Variants in ERBB4 observed in about 807,000 individuals in gnomAD.
ERBB4 encodes the protein receptor tyrosine-protein kinase erbB-4.
Under a neutral mutation model 158.0 loss-of-function variants are expected in ERBB4, and 42 were observed. The observed-to-expected ratio is 0.27, with a 90% CI of 0.21 to 0.34. ERBB4 has a LOEUF of 0.34. Among genes scored for constraint, ERBB4 ranks in the 10% least tolerant of loss-of-function variants. ERBB4 has a pLI of 1.00. For missense variants in ERBB4, 1,333 were observed against 1,624.1 expected, an observed-to-expected ratio of 0.82 and a Z score of 3.08; for synonymous variants, 583 against 558.7, an observed-to-expected ratio of 1.04 and a Z score of -0.61.
intron 20 of ERBB4, among the ~76,000 whole-genome samples, chr2:211,525,395 A>G (rs1019993047): frequency 2.0e-5 from 3 of 152,144 alleles, no homozygotes; most frequent in Non-Finnish European, 2.9e-5. Flanking sequence ...TAAGGCCTCT[A>G]TTCCAGGTCT....
intron 2 of ERBB4, among the ~76,000 whole-genome samples, chr2:212,104,304 C>A (rs565717463): frequency 6.6e-6 from 1 of 152,164 alleles, no homozygotes; most frequent in South Asian, 2.1e-4. Flanking sequence ...TGGTCCATAA[C>A]AGAATATATT....
chr2:211,875,540 A>G (rs1179421216), intron 3 of ERBB4, among the ~76,000 whole-genome samples: 3 of 152,212 alleles, frequency 2.0e-5, no homozygotes, highest in Admixed American at 2.0e-4. Context: ...TGGTGGTCTC[A>G]TAAGATTTTA....
intron 16 of ERBB4, among the ~76,000 whole-genome samples, chr2:211,634,940 G>C (rs1011239610): frequency 2.0e-5 from 3 of 152,154 alleles, no homozygotes; most frequent in Non-Finnish European, 4.4e-5. Flanking sequence ...CAAAAGTGCT[G>C]GGATTACAGG....
intron 1 of ERBB4, among the ~76,000 whole-genome samples, chr2:212,366,194 T>C (rs1207526994): frequency 6.6e-6 from 1 of 151,940 alleles, no homozygotes; most frequent in Non-Finnish European, 1.5e-5. Flanking sequence ...AAACAAGTAT[T>C]AGAGTATGTT....
chr2:212,046,113 C>G (rs1037714600), intron 2 of ERBB4, among the ~76,000 whole-genome samples: 7 of 152,082 alleles, frequency 4.6e-5, no homozygotes, highest in African/African-American at 1.7e-4. Context: ...TAATTTTTTT[C>G]AGACATGTGA....
chr2:212,002,796 C>T (rs1010991610), intron 2 of ERBB4, among the ~76,000 whole-genome samples: 3 of 151,990 alleles, frequency 2.0e-5, no homozygotes, highest in Non-Finnish European at 2.9e-5. Context: ...GGGTGGCTCA[C>T]GCCTGTAATC....
At chr2:211,931,716 T>C (rs918710577) in intron 3 of ERBB4, among the ~76,000 whole-genome samples, 1 of 152,082 alleles carries the variant, frequency 6.6e-6, no homozygotes, top group African/African-American at 2.4e-5. Flanking sequence ...GGAATGAGAA[T>C]ACGAATCTTC....
chr2:212,286,926 T>C (rs550029589), intron 1 of ERBB4, among the ~76,000 whole-genome samples: 90 of 151,548 alleles, frequency 5.9e-4, no homozygotes, highest in South Asian at 5.4e-3. Context: ...CTTCTTAATA[T>C]ATATCCTAAA....
chr2:212,326,729 C>T (rs559766238), intron 1 of ERBB4, among the ~76,000 whole-genome samples: 7 of 150,866 alleles, frequency 4.6e-5, no homozygotes, highest in South Asian at 2.1e-4. Flanking sequence ...GACACAGCTG[C>T]GTTTGTTCCT....
intron 1 of ERBB4, among the ~76,000 whole-genome samples, chr2:212,252,599 T>C (rs998921248): frequency 4.6e-5 from 7 of 151,946 alleles, no homozygotes; most frequent in Admixed American, 1.3e-4. Flanking sequence ...CTAAGACTTG[T>C]TTTTTCTTGG....
At chr2:211,942,940 A>G (rs2080546723) in intron 3 of ERBB4, among the ~76,000 whole-genome samples, 1 of 152,138 alleles carries the variant, frequency 6.6e-6, no homozygotes, top group African/African-American at 2.4e-5. Flanking sequence ...GCATATCAAG[A>G]TGAAACCACA....
chr2:212,220,110 T>A (rs987125907), intron 1 of ERBB4, among the ~76,000 whole-genome samples: 16 of 148,970 alleles, frequency 1.1e-4, no homozygotes, highest in Non-Finnish European at 2.2e-4. Flanking sequence ...TTTGTAGCAT[T>A]TCAAAGATCA....
rs933719588 is a variant in ERBB4, at chr2:211,376,545, C to A, written c.*7070G>T. ...TTTGCACCCCAATCCTTTGAAGATA[C>A]TTCACAAGAGAGAGGGCTTGTTTTC... On this transcript the variant is annotated 3_prime_UTR_variant, in exon 28 of 28. Coordinates refer to ENST00000342788, the MANE Select transcript of ERBB4 (RefSeq NM_005235.3). 1 of 232,556 alleles carries A rather than the reference C, an allele frequency of 4.3e-6. No individual in the cohort carries two copies. Among genetic ancestry groups the A allele is most frequent in the Non-Finnish European group, 8.5e-6 (1 of 117,438 alleles). The allele number at this position is 232,556 out of a possible 1,614,324, so 14.4% of individuals were successfully genotyped here.
chr2:212,100,609 C>T (rs1291961423), intron 2 of ERBB4, among the ~76,000 whole-genome samples: 2 of 151,940 alleles, frequency 1.3e-5, no homozygotes, highest in Non-Finnish European at 2.9e-5. Flanking sequence ...GTACAGGATA[C>T]AAAAATAAAT....
At chr2:211,999,391 C>A (rs1274682384) in intron 2 of ERBB4, among the ~76,000 whole-genome samples, 1 of 151,688 alleles carries the variant, frequency 6.6e-6, no homozygotes, top group Non-Finnish European at 1.5e-5. Flanking sequence ...AGTGTGAATT[C>A]CCTTGACTAA....
In ERBB4 at chr2:211,861,020, A is replaced by ATATATT. The variant is rs1329582349; in HGVS notation, c.422-72862_422-72861insAATATA. 1.6e-3 allele frequency among the ~76,000 whole-genome samples: 16 copies of ATATATT among 9,954 alleles called. 1 individual carries two copies. The highest frequency in any genetic ancestry group is 3.6e-3 in the Admixed American group (2 of 556). The allele number at this position is 9,954 out of a possible 152,430, so 6.5% of individuals were successfully genotyped here. On this transcript the variant is annotated intron_variant, in intron 3 of 27. Coordinates refer to ENST00000342788, the MANE Select transcript of ERBB4 (RefSeq NM_005235.3). The stretch of plus-strand genomic sequence containing the variant: ...ATATATTATATATTTATATATTTAT[A>ATATATT]TATATATAAATATAATATATTTATA...
At chr2:212,480,168 A>ATTGTTATC (rs1190344998) in intron 1 of ERBB4, among the ~76,000 whole-genome samples, 8 of 152,302 alleles carry the variant, frequency 5.3e-5, no homozygotes. Context: ...CAATTTATAA[A>ATTGTTATC]AAATATTTTA....
At chr2:211,738,280 TTC>T (rs1325105748) in intron 5 of ERBB4, among the ~76,000 whole-genome samples, 3 of 152,122 alleles carry the variant, frequency 2.0e-5, no homozygotes, top group African/African-American at 7.2e-5. Context: ...AAATGTTCAA[TTC>T]TTTTTAATTA....
intron 3 of ERBB4, among the ~76,000 whole-genome samples, chr2:211,922,749 G>A (rs1183634413): frequency 6.6e-6 from 1 of 152,120 alleles, no homozygotes; most frequent in African/African-American, 2.4e-5. Context: ...ATGGGGTGGT[G>A]TGGATTGTCA....
Sources: allele counts gnomAD v4.1 joint callset (sites outside exome capture counted in the v4.1 genomes callset), GRCh38; gene constraint gnomAD v4.1.1; transcripts MANE v1.5; gene names NCBI Gene and HGNC (gene_info 2026-07-23, HGNC 2026-07-21).